Variants in RSU1 observed in about 807,000 individuals in gnomAD.
RSU1 encodes the protein Ras suppressor protein 1.
Under a neutral mutation model 31.1 loss-of-function variants are expected in RSU1, and 26 were observed. That is an observed-to-expected ratio of 0.84 (90% CI 0.61 to 1.16). RSU1 has a LOEUF of 1.16. RSU1 is among the 50% of genes most tolerant of loss of function. The pLI, the probability that RSU1 is intolerant of heterozygous loss-of-function variation, is 0.00. For synonymous variants in RSU1, 164 were observed against 136.3 expected, an observed-to-expected ratio of 1.20 and a Z score of -1.41; for missense variants, 320 against 339.1, an observed-to-expected ratio of 0.94 and a Z score of 0.44.
At chr10:16,773,106 G>A (rs1235780882) in intron 3 of RSU1, among the ~76,000 whole-genome samples, 1 of 151,914 alleles carries the variant, frequency 6.6e-6, no homozygotes, top group Non-Finnish European at 1.5e-5. Context: ...AGGCTGAGGT[G>A]GGAAGATCAC....
chr10:16,816,060 G>A (rs1197048503), intron 2 of RSU1, among the ~76,000 whole-genome samples: 3 of 152,212 alleles, frequency 2.0e-5, no homozygotes, highest in Non-Finnish European at 4.4e-5. Context: ...GAAGTGCGGA[G>A]AGGGTTTAAA....
intron 8 of RSU1, among the ~76,000 whole-genome samples, chr10:16,652,392 CAAA>C (rs71505091): frequency 0.012 from 1,093 of 89,136 alleles, 23 homozygotes; most frequent in African/African-American, 0.04. Flanking sequence ...TGCCCCAAAG[CAAA>C]AAAAAAAAAA....
At chr10:16,759,437 G>A (rs1226663657) in intron 4 of RSU1, among the ~76,000 whole-genome samples, 2 of 152,164 alleles carry the variant, frequency 1.3e-5, no homozygotes, top group African/African-American at 4.8e-5. Context: ...AGCCCAGGAG[G>A]CATAGGTTGC....
chr10:16,794,676 A>G (rs1837990408), intron 2 of RSU1, among the ~76,000 whole-genome samples: 1 of 152,256 alleles, frequency 6.6e-6, no homozygotes, highest in Admixed American at 6.5e-5. Context: ...GAATCAGAAC[A>G]GAGTACAATC....
chr10:16,738,690 G>A (rs1309718320), intron 7 of RSU1, among the ~76,000 whole-genome samples: 1 of 152,016 alleles, frequency 6.6e-6, no homozygotes, highest in East Asian at 1.9e-4. Flanking sequence ...CAGAAGAAAT[G>A]TACTTTTTAA....
At chr10:16,630,907 CTAAT>C (rs1350482918) in intron 8 of RSU1, among the ~76,000 whole-genome samples, 1 of 152,218 alleles carries the variant, frequency 6.6e-6, no homozygotes, top group Non-Finnish European at 1.5e-5. Context: ...AAAGTAGCAA[CTAAT>C]TAACCACTTC....
chr10:16,600,249 C>G (rs1833695212), intron 8 of RSU1, among the ~76,000 whole-genome samples: 1 of 152,128 alleles, frequency 6.6e-6, no homozygotes, highest in Admixed American at 6.5e-5. Flanking sequence ...GCCCAAATGC[C>G]AACGTGGGAG....
At chr10:16,731,036 C>G (rs1045671031) in intron 7 of RSU1, among the ~76,000 whole-genome samples, 4 of 152,082 alleles carry the variant, frequency 2.6e-5, no homozygotes, top group Admixed American at 2.0e-4. Flanking sequence ...GTTGGCCAGG[C>G]TGGTCTAGAA....
chr10:16,664,012 T>C (rs1454272841), intron 8 of RSU1, among the ~76,000 whole-genome samples: 1 of 151,510 alleles, frequency 6.6e-6, no homozygotes, highest in African/African-American at 2.4e-5. Context: ...ACTCCAGGAG[T>C]CACAGAAGGG....
At chr10:16,795,371 A>G (rs927942753) in intron 2 of RSU1, among the ~76,000 whole-genome samples, 2 of 151,678 alleles carry the variant, frequency 1.3e-5, no homozygotes, top group African/African-American at 4.8e-5. Context: ...AAAAAAAAAA[A>G]AAATTAAAAA....
intron 2 of RSU1, among the ~76,000 whole-genome samples, chr10:16,786,416 T>G (rs1051192681): frequency 1.3e-5 from 2 of 152,190 alleles, no homozygotes; most frequent in African/African-American, 4.8e-5. Flanking sequence ...ACACAAGATA[T>G]TCAGGTTCAT....
chr10:16,769,712 T>A (rs1449138951), intron 3 of RSU1, among the ~76,000 whole-genome samples: 1 of 152,226 alleles, frequency 6.6e-6, no homozygotes, highest in Non-Finnish European at 1.5e-5. Context: ...ATTGGCAGCA[T>A]CACGATTATC....
chr10:16,617,949 A>C (rs976807495), intron 8 of RSU1, among the ~76,000 whole-genome samples: 4 of 152,342 alleles, frequency 2.6e-5, no homozygotes, highest in African/African-American at 9.6e-5. Flanking sequence ...TAAAACACCA[A>C]AAGCAATGGC....
intron 8 of RSU1, among the ~76,000 whole-genome samples, chr10:16,641,322 C>T (rs553461353): frequency 1.3e-5 from 2 of 152,110 alleles, no homozygotes; most frequent in African/African-American, 4.8e-5. Context: ...GGAAACCCAT[C>T]TCTACTAAAA....
At chr10:16,663,904 G>A (rs943375805) in intron 8 of RSU1, among the ~76,000 whole-genome samples, 2 of 152,160 alleles carry the variant, frequency 1.3e-5, no homozygotes, top group Non-Finnish European at 1.5e-5. Flanking sequence ...GGAGCAGGTA[G>A]TGCCTCTAAG....
At chr10:16,626,356 GTTTTT>G (rs1341550082) in intron 8 of RSU1, among the ~76,000 whole-genome samples, 1 of 151,710 alleles carries the variant, frequency 6.6e-6, no homozygotes, top group Non-Finnish European at 1.5e-5. Flanking sequence ...TGGCTAACTT[GTTTTT>G]TTATGTTTTA....
At chr10:16,804,207 A>T (rs968589934) in intron 2 of RSU1, among the ~76,000 whole-genome samples, 1 of 152,262 alleles carries the variant, frequency 6.6e-6, no homozygotes, top group African/African-American at 2.4e-5. Flanking sequence ...GCAAATAAGC[A>T]TATGAAAAGA....
chr10:16,724,064 C>A (rs1836334955), intron 7 of RSU1, among the ~76,000 whole-genome samples: 1 of 152,118 alleles, frequency 6.6e-6, no homozygotes, highest in African/African-American at 2.4e-5. Context: ...CCTCAGCCTC[C>A]CCAATAGCTG....
intron 8 of RSU1, among the ~76,000 whole-genome samples, chr10:16,604,833 C>T (rs1210505173): frequency 6.6e-6 from 1 of 152,148 alleles, no homozygotes; most frequent in East Asian, 1.9e-4. Flanking sequence ...TACACACAAG[C>T]ACGGGGCCAA....
Sources: gnomAD v4.1 joint callset for allele counts (sites outside exome capture counted in the v4.1 genomes callset) on GRCh38, gnomAD v4.1.1 for gene constraint, MANE v1.5 for transcripts, NCBI Gene and HGNC (gene_info 2026-07-23, HGNC 2026-07-21) for gene names.